RAPGEF5: variants seen among roughly 807,000 people sequenced by gnomAD.
The protein encoded by RAPGEF5 is Rap guanine nucleotide exchange factor 5, also known as M-Ras-regulated GEF.
In RAPGEF5, 65 loss-of-function variants were observed where a neutral mutation model predicts 125.2. That is an observed-to-expected ratio of 0.52 (90% confidence interval 0.43 to 0.64). The LOEUF (loss-of-function observed/expected upper bound fraction) is 0.64. Among genes scored for constraint, RAPGEF5 ranks in the 30% least tolerant of loss-of-function variants. The pLI, the probability that RAPGEF5 is intolerant of heterozygous loss-of-function variation, is 0.00. For synonymous variants in RAPGEF5, 391 were observed against 385.9 expected (o/e 1.01, Z -0.16); for missense variants, 958 against 1,048.1 (o/e 0.91, Z 1.19).
At chr7:22,207,494 A>G (rs11976624) in intron 9 of RAPGEF5, among the ~76,000 whole-genome samples, 79,952 of 152,000 alleles carry the variant, frequency 0.53, 21,094 homozygotes, top group East Asian at 0.57. Flanking sequence ...GTGGTTTATC[A>G]TTAAATTTTT....
At chr7:22,154,166 A>G (rs1783723710) in intron 17 of RAPGEF5, among the ~76,000 whole-genome samples, 1 of 152,180 alleles carries the variant, frequency 6.6e-6, no homozygotes, top group Non-Finnish European at 1.5e-5. Context: ...TAATTTAAAT[A>G]GGAAAATAGA....
At chr7:22,316,430 T>C (rs1253199305) in intron 2 of RAPGEF5, among the ~76,000 whole-genome samples, 1 of 147,048 alleles carries the variant, frequency 6.8e-6, no homozygotes, top group Non-Finnish European at 1.5e-5. Flanking sequence ...CACACATATA[T>C]ACATATACAC....
At chr7:22,154,679 C>T in intron 16 of RAPGEF5, 75 bp from the exon 17 acceptor site, 2 of 1,511,010 alleles carry the variant, frequency 1.3e-6, no homozygotes, top group South Asian at 2.6e-5. Flanking sequence ...AATCAAGGCA[C>T]CTTGATCAAC....
chr7:22,305,113 C>G (rs1783306065), intron 5 of RAPGEF5, among the ~76,000 whole-genome samples: 1 of 152,224 alleles, frequency 6.6e-6, no homozygotes, highest in Non-Finnish European at 1.5e-5. Context: ...CACACAGATT[C>G]AAACACTAAA....
At chr7:22,173,748 AG>A (rs1451138182) in intron 11 of RAPGEF5, among the ~76,000 whole-genome samples, 1 of 152,180 alleles carries the variant, frequency 6.6e-6, no homozygotes, top group Non-Finnish European at 1.5e-5. Context: ...AGTAATAAAC[AG>A]GGGGCTTGTC....
chr7:22,127,912 A>G (rs1453484786), intron 24 of RAPGEF5, among the ~76,000 whole-genome samples: 1 of 152,270 alleles, frequency 6.6e-6, no homozygotes, highest in Admixed American at 6.5e-5. Flanking sequence ...AAAATTGAAT[A>G]GGACAGTGAT....
chr7:22,266,292 C>T (rs1220947013), intron 7 of RAPGEF5, among the ~76,000 whole-genome samples: 2 of 152,156 alleles, frequency 1.3e-5, no homozygotes, highest in African/African-American at 4.8e-5. Context: ...GACCTCCTCC[C>T]GCAGCAAAGG....
At chr7:22,193,239 G>C (rs1785050726) in intron 11 of RAPGEF5, 128 bp downstream of exon 11, 1 of 1,010,600 alleles carries the variant, frequency 9.9e-7, no homozygotes, top group African/African-American at 1.6e-5. Flanking sequence ...CAAGGGACGA[G>C]TCGCACAAAG....
chr7:22,175,075 G>A (rs1413272947), intron 11 of RAPGEF5, among the ~76,000 whole-genome samples: 3 of 152,188 alleles, frequency 2.0e-5, no homozygotes, highest in East Asian at 3.9e-4. Context: ...AGAGAAGGAG[G>A]AGAGAAACAG....
intron 7 of RAPGEF5, among the ~76,000 whole-genome samples, chr7:22,243,945 C>T (rs908545436): frequency 1.3e-5 from 2 of 152,152 alleles, no homozygotes; most frequent in African/African-American, 4.8e-5. Context: ...TACTGCTACC[C>T]GCCAAGCCTG....
rs1370088041 is a variant in RAPGEF5, at chr7:22,356,986, C to T, written c.75G>A (p.Val25=). The T allele has an allele frequency of 6.7e-5, 69 of 1,026,040 alleles. No individual in the cohort carries two copies. Among genetic ancestry groups the T allele is most frequent in the Non-Finnish European group, 7.5e-5 (64 of 858,512 alleles). 63.6% of individuals were successfully genotyped at this position (1,026,040 alleles called of 1,614,324 possible). The stretch of plus-strand genomic sequence containing the variant: ...GGCGCAGGGGGCCGTCTGCCGCCAC[C>T]ACCGCCGCCGCGGCGGCCAGGGCCG... The part of the protein sequence containing the change: ...ESPALAAAAA[V]VAADGPLRRS... The change falls in exon 1 of 26, where the codon GTG becomes GTA. Residue 25 remains valine (V), a synonymous_variant. Coordinates refer to ENST00000665637, the MANE Select transcript of RAPGEF5 (RefSeq NM_012294.5).
At chr7:22,123,802 G>A (rs1482130268) in intron 25 of RAPGEF5, among the ~76,000 whole-genome samples, 1 of 152,184 alleles carries the variant, frequency 6.6e-6, no homozygotes, top group Admixed American at 6.5e-5. Flanking sequence ...TGGATAACAC[G>A]ATGCTACAAA....
intron 1 of RAPGEF5, among the ~76,000 whole-genome samples, chr7:22,333,294 G>A (rs549836006): frequency 2.5e-3 from 386 of 152,264 alleles, no homozygotes; most frequent in African/African-American, 8.9e-3. Flanking sequence ...GGAGGTGAAA[G>A]AGAGAGGGCA....
chr7:22,232,574 C>T (rs1229854787), intron 7 of RAPGEF5, among the ~76,000 whole-genome samples: 1 of 152,292 alleles, frequency 6.6e-6, no homozygotes, highest in South Asian at 2.1e-4. Context: ...CCTGCCTTGG[C>T]CTCCCAAAGT....
intron 2 of RAPGEF5, among the ~76,000 whole-genome samples, chr7:22,317,416 A>G (rs574165281): frequency 1.5e-4 from 22 of 151,458 alleles, no homozygotes; most frequent in African/African-American, 4.8e-4. Context: ...AATTTTTTGT[A>G]TTTTCAGTAG....
chr7:22,284,250 G>A (rs1362775262), intron 6 of RAPGEF5, among the ~76,000 whole-genome samples: 1 of 152,094 alleles, frequency 6.6e-6, no homozygotes, highest in Non-Finnish European at 1.5e-5. Flanking sequence ...TTTGTGACGT[G>A]TTACTCTGAG....
In RAPGEF5 at chr7:22,260,418, A is replaced by G. The variant is rs1184501320; in HGVS notation, c.796+6546T>C. 4.6e-5 allele frequency among the ~76,000 whole-genome samples: 7 copies of G among 151,986 alleles called. No homozygotes were observed. The South Asian group carries it at 8.3e-4, about 18-fold the overall frequency. ...AGCAACTCTCTGCACTTTGTATTCA[A>G]TTTTGCTATGAACCTAAAACTGCTC... On this transcript the variant is annotated intron_variant, in intron 7 of 25. Coordinates refer to ENST00000665637, the MANE Select transcript of RAPGEF5 (RefSeq NM_012294.5).
intron 1 of RAPGEF5, among the ~76,000 whole-genome samples, chr7:22,330,337 C>T (rs193166723): frequency 2.6e-5 from 4 of 152,172 alleles, no homozygotes; most frequent in Non-Finnish European, 5.9e-5. Flanking sequence ...TGGCTTTCTG[C>T]CCATCCTGAA....
At chr7:22,338,926 T>C (rs1784074779) in intron 1 of RAPGEF5, among the ~76,000 whole-genome samples, 1 of 152,066 alleles carries the variant, frequency 6.6e-6, no homozygotes, top group Non-Finnish European at 1.5e-5. Context: ...AAATAATAAT[T>C]GATCAGAGCC....
Sources: gnomAD v4.1 joint callset for allele counts (sites outside exome capture counted in the v4.1 genomes callset) on GRCh38, gnomAD v4.1.1 for gene constraint, MANE v1.5 for transcripts, NCBI Gene and HGNC (gene_info 2026-07-23, HGNC 2026-07-21) for gene names.